Variants in GRM7 observed in about 807,000 individuals in gnomAD.
The protein encoded by GRM7 is metabotropic glutamate receptor 7.
In GRM7, 35 loss-of-function variants were observed where a neutral mutation model predicts 84.5. That is an observed-to-expected ratio of 0.41 (90% CI 0.32 to 0.55). The LOEUF (loss-of-function observed/expected upper bound fraction) is 0.55, where lower values mean the gene tolerates loss of function less well. Among genes scored for constraint, GRM7 ranks in the 20% least tolerant of loss-of-function variants. The pLI is 0.19. For missense variants in GRM7, 1,003 were observed against 1,194.6 expected, an observed-to-expected ratio of 0.84 and a Z score of 2.36; for synonymous variants, 487 against 455.1, an observed-to-expected ratio of 1.07 and a Z score of -0.89.
chr3:6,936,793 C>T (rs529977066), intron 1 of GRM7, among the ~76,000 whole-genome samples: 1 of 152,264 alleles, frequency 6.6e-6, no homozygotes, highest in South Asian at 2.1e-4. Flanking sequence ...GATACTTCAT[C>T]ATTTGTTCCA....
chr3:7,663,630 C>T (rs944612296), intron 8 of GRM7, among the ~76,000 whole-genome samples: 1 of 152,168 alleles, frequency 6.6e-6, no homozygotes, highest in Non-Finnish European at 1.5e-5. Context: ...AAATGTTATA[C>T]ATTGTTAACA....
intron 2 of GRM7, among the ~76,000 whole-genome samples, chr3:7,280,216 T>C (rs1228996731): frequency 2.6e-5 from 4 of 152,182 alleles, no homozygotes. Flanking sequence ...CAAAACTCAG[T>C]AAAAGGTAGC....
intron 1 of GRM7, among the ~76,000 whole-genome samples, chr3:6,990,593 A>G (rs1255209720): frequency 6.6e-6 from 1 of 152,102 alleles, no homozygotes; most frequent in African/African-American, 2.4e-5. Context: ...TCTGACTGTG[A>G]ATTTTTAACA....
At chr3:7,676,008 T>C (rs980115765) in intron 8 of GRM7, among the ~76,000 whole-genome samples, 1 of 152,194 alleles carries the variant, frequency 6.6e-6, no homozygotes, top group African/African-American at 2.4e-5. Context: ...GGACTTTTTT[T>C]TTTGTCGCCC....
intron 2 of GRM7, among the ~76,000 whole-genome samples, chr3:7,180,995 G>A (rs187506299): frequency 4.4e-4 from 67 of 152,138 alleles, no homozygotes; most frequent in African/African-American, 1.5e-3. Flanking sequence ...GCTCATTTTT[G>A]CAATAATGAG....
At chr3:7,304,811 GT>G (rs200016248) in intron 3 of GRM7, among the ~76,000 whole-genome samples, 3 of 151,352 alleles carry the variant, frequency 2.0e-5, no homozygotes, top group African/African-American at 4.8e-5. Context: ...TTATTATTTT[GT>G]TTTTTTTCCC....
At chr3:7,448,013 C>A (rs1233774050) in intron 5 of GRM7, among the ~76,000 whole-genome samples, 1 of 149,246 alleles carries the variant, frequency 6.7e-6, no homozygotes, top group African/African-American at 2.5e-5. Flanking sequence ...GGTTTTTTGT[C>A]CTTGCGATAG....
chr3:7,495,527 C>A (rs1699669590), intron 7 of GRM7, among the ~76,000 whole-genome samples: 1 of 152,098 alleles, frequency 6.6e-6, no homozygotes, highest in Non-Finnish European at 1.5e-5. Context: ...CAAACTCTTG[C>A]TACAGCTGGG....
chr3:6,867,232 G>T (rs1442185060), intron 1 of GRM7, among the ~76,000 whole-genome samples: 2 of 152,176 alleles, frequency 1.3e-5, no homozygotes, highest in Non-Finnish European at 2.9e-5. Context: ...TTAATGTAAG[G>T]TTCACTAACT....
rs966704428 is a variant in GRM7, at chr3:7,572,574, C to T, written c.1516-5848C>T. Among the ~76,000 whole-genome samples, 12 of 151,694 alleles carry T rather than the reference C, an allele frequency of 7.9e-5. 1 individual carries two copies. The highest frequency in any genetic ancestry group is 3.4e-3 in the Middle Eastern group (1 of 292). ...GTGGCTCACGCCTGTAATCCCAGCG[C>T]TTTGGGAGGCTGAAGCGGGCGGATC... is the stretch of plus-strand genomic sequence containing the variant. On this transcript the variant is annotated intron_variant, in intron 7 of 9. Transcript: ENST00000357716.
intron 4 of GRM7, among the ~76,000 whole-genome samples, chr3:7,403,622 G>GATATATATAT (rs59465377): frequency 0.13 from 16,650 of 126,252 alleles, 1,543 homozygotes; most frequent in Non-Finnish European, 0.2. Flanking sequence ...GAGTAATTCT[G>GATATATATAT]ATATATATAT....
At chr3:7,567,783 A>T (rs1420404158) in intron 7 of GRM7, among the ~76,000 whole-genome samples, 3 of 143,684 alleles carry the variant, frequency 2.1e-5, no homozygotes, top group Non-Finnish European at 4.5e-5. Context: ...AAAAAAAAAA[A>T]AAGACACAAC....
intron 1 of GRM7, among the ~76,000 whole-genome samples, chr3:6,942,015 A>G (rs1488417180): frequency 6.6e-6 from 1 of 152,222 alleles, no homozygotes; most frequent in East Asian, 1.9e-4. Context: ...TCAACATGCA[A>G]AACTTTCCAA....
At chr3:7,335,260 AC>A (rs2125070994) in intron 4 of GRM7, among the ~76,000 whole-genome samples, 1 of 152,232 alleles carries the variant, frequency 6.6e-6, no homozygotes, top group East Asian at 1.9e-4. Context: ...TCCAAGAGGA[AC>A]CTTTAAAACT....
At chr3:7,697,084 ATGTCTTTC>A (rs1296218301) in intron 9 of GRM7, among the ~76,000 whole-genome samples, 5 of 152,060 alleles carry the variant, frequency 3.3e-5, no homozygotes, top group African/African-American at 1.2e-4. Flanking sequence ...AGAAAGAACC[ATGTCTTTC>A]TTTCTATGAA....
intron 1 of GRM7, among the ~76,000 whole-genome samples, chr3:7,143,593 C>T (rs1694018437): frequency 6.6e-6 from 1 of 152,124 alleles, no homozygotes; most frequent in East Asian, 1.9e-4. Context: ...GGAAAGAAAT[C>T]TGTTTCCTCA....
chr3:7,605,062 G>A (rs1310806099), intron 8 of GRM7, among the ~76,000 whole-genome samples: 2 of 151,944 alleles, frequency 1.3e-5, no homozygotes, highest in Non-Finnish European at 2.9e-5. Flanking sequence ...TGGACTTTTG[G>A]GTAGCAATAT....
intron 8 of GRM7, among the ~76,000 whole-genome samples, chr3:7,656,522 A>T (rs142755743): frequency 0.18 from 23,119 of 128,548 alleles, 2,753 homozygotes; most frequent in African/African-American, 0.37. Flanking sequence ...AATAAAAAAA[A>T]ATATATATAT....
chr3:7,704,356 C>A (rs1701318899), intron 9 of GRM7, among the ~76,000 whole-genome samples: 1 of 152,134 alleles, frequency 6.6e-6, no homozygotes. Flanking sequence ...CTGGTCAAGA[C>A]TTTTTGATGA....
Sources: allele counts gnomAD v4.1 joint callset (sites outside exome capture counted in the v4.1 genomes callset), GRCh38; gene constraint gnomAD v4.1.1; transcripts MANE v1.5; gene names NCBI Gene and HGNC (gene_info 2026-07-23, HGNC 2026-07-21).